PHLPP1: variants seen among roughly 807,000 people sequenced by gnomAD.
PHLPP1 encodes PH domain leucine-rich repeat-containing protein phosphatase 1.
In PHLPP1, 42 loss-of-function variants were observed where a neutral mutation model predicts 117.2. That is an observed-to-expected ratio of 0.36 (90% CI 0.28 to 0.46). The LOEUF is 0.46. Among genes scored for constraint, PHLPP1 ranks in the 20% least tolerant of loss-of-function variants. The pLI is 1.00. For missense variants in PHLPP1, 2,084 were observed against 2,241.9 expected (o/e 0.93, Z 1.42); for synonymous variants, 1,042 against 970.7 (o/e 1.07, Z -1.37).
intron 14 of PHLPP1, among the ~76,000 whole-genome samples, chr18:62,964,521 G>T (rs183060204): frequency 1.3e-5 from 2 of 152,236 alleles, no homozygotes; most frequent in Admixed American, 1.3e-4. Context: ...TTTCCCTAAG[G>T]TGTCATTTGG....
chr18:62,921,506 G>T lies in PHLPP1; in HGVS notation c.2960+1392G>T, dbSNP rs542607215. ...TGTAATACTCATCACACACTGTATTGTAATTTCTTGTTCACTTGTCTCTCT... is the reference window on the plus strand; with the variant it reads ...TGTAATACTCATCACACACTGTATTTTAATTTCTTGTTCACTTGTCTCTCT... On this transcript the variant is annotated intron_variant, in intron 10 of 16. Transcript: ENST00000262719. Among the ~76,000 whole-genome samples the T allele has an allele frequency of 3.9e-5, 6 of 152,238 alleles. No individual in the cohort carries two copies. The South Asian group carries it at 1.2e-3, about 32-fold the overall frequency.
chr18:62,755,488 T>TG (rs974716936), intron 1 of PHLPP1, among the ~76,000 whole-genome samples: 1 of 152,140 alleles, frequency 6.6e-6, no homozygotes, highest in Non-Finnish European at 1.5e-5. Context: ...GGGACCTTTT[T>TG]GGGGGTGATT....
At chr18:62,757,213 G>A (rs915857860) in intron 1 of PHLPP1, among the ~76,000 whole-genome samples, 3 of 152,150 alleles carry the variant, frequency 2.0e-5, no homozygotes, top group South Asian at 2.1e-4. Flanking sequence ...TTTATAGAAC[G>A]ACTACTGAAA....
chr18:62,807,752 T>C (rs572561086), intron 1 of PHLPP1, among the ~76,000 whole-genome samples: 3 of 152,216 alleles, frequency 2.0e-5, no homozygotes, highest in East Asian at 1.9e-4. Flanking sequence ...CTTCTAAATA[T>C]AGAAAAAAAT....
chr18:62,892,816 C>T (rs1296387601), intron 4 of PHLPP1, among the ~76,000 whole-genome samples: 1 of 147,828 alleles, frequency 6.8e-6, no homozygotes, highest in African/African-American at 2.5e-5. Context: ...GCGGAGCTTG[C>T]AGTGAGCCGA....
At chr18:62,790,229 C>T (rs1009767688) in intron 1 of PHLPP1, among the ~76,000 whole-genome samples, 16 of 152,008 alleles carry the variant, frequency 1.1e-4, no homozygotes, top group South Asian at 4.1e-4. Context: ...AGGAGGCTAG[C>T]GAAAAAAGAC....
At chr18:62,889,915 T>C (rs1483514322) in intron 4 of PHLPP1, among the ~76,000 whole-genome samples, 1 of 152,230 alleles carries the variant, frequency 6.6e-6, no homozygotes, top group East Asian at 1.9e-4. Flanking sequence ...CTATATTTTG[T>C]ATTTCAAGAA....
chr18:62,772,848 A>T (rs893301300), intron 1 of PHLPP1, among the ~76,000 whole-genome samples: 1 of 151,552 alleles, frequency 6.6e-6, no homozygotes, highest in Non-Finnish European at 1.5e-5. Context: ...AAAAAAAAAA[A>T]AGATTTTCTC....
chr18:62,887,185 A>G (rs1916306707), intron 4 of PHLPP1, among the ~76,000 whole-genome samples: 1 of 152,214 alleles, frequency 6.6e-6, no homozygotes, highest in Non-Finnish European at 1.5e-5. Flanking sequence ...ATAAGGTTTA[A>G]TAAAAGAGGA....
intron 12 of PHLPP1, among the ~76,000 whole-genome samples, chr18:62,954,765 A>T (rs915564500): frequency 6.6e-6 from 1 of 152,252 alleles, no homozygotes; most frequent in Admixed American, 6.5e-5. Context: ...TTAAAATGCT[A>T]TCTATTCTAT....
intron 10 of PHLPP1, among the ~76,000 whole-genome samples, chr18:62,940,039 AC>A (rs1375975755): frequency 6.6e-6 from 1 of 151,728 alleles, no homozygotes; most frequent in African/African-American, 2.4e-5. Context: ...GGGAGATTTC[AC>A]CCTTCTAACT....
At chr18:62,972,338 T>G (rs1300740218) in intron 14 of PHLPP1, among the ~76,000 whole-genome samples, 176 bp from the exon 15 acceptor site, 1 of 152,238 alleles carries the variant, frequency 6.6e-6, no homozygotes, top group Non-Finnish European at 1.5e-5. Context: ...CATCCTTCTC[T>G]GCTTATCAAA....
At chr18:62,917,162 A>G (rs1258288197) in intron 9 of PHLPP1, among the ~76,000 whole-genome samples, 5 of 148,290 alleles carry the variant, frequency 3.4e-5, no homozygotes. Context: ...TATATTTTAT[A>G]TATTTTTTAT....
At chr18:62,790,929 G>A (rs1258072062) in intron 1 of PHLPP1, among the ~76,000 whole-genome samples, 3 of 152,164 alleles carry the variant, frequency 2.0e-5, no homozygotes, top group Non-Finnish European at 4.4e-5. Context: ...TGCAGCTCAT[G>A]AGTCTGGGAG....
intron 4 of PHLPP1, among the ~76,000 whole-genome samples, chr18:62,884,394 T>A (rs1214229929): frequency 6.6e-6 from 1 of 152,228 alleles, no homozygotes; most frequent in Non-Finnish European, 1.5e-5. Flanking sequence ...GGACTCACTT[T>A]GTTAAAATGA....
At position 62,958,886 on chromosome 18, in the gene PHLPP1, G is replaced by A. The variant is rs114946587; in HGVS notation, c.3455+127G>A. ...GTTAGCTGTGTTAACACACACAACA[G>A]GATATACAAGATGCAGGGAAGCAAT... On this transcript the variant is annotated intron_variant, in intron 13 of 16. Coordinates refer to ENST00000262719, the MANE Select transcript of PHLPP1 (RefSeq NM_194449.4). 4.6e-3 allele frequency: 4,676 copies of A among 1,015,890 alleles called. 148 individuals are homozygous for A. In the African/African-American group the frequency reaches 0.065, roughly 14 times the overall value. The allele number at this position is 1,015,890 out of a possible 1,614,324, so 62.9% of individuals were successfully genotyped here.
At chr18:62,847,890 C>T (rs143178979) in intron 3 of PHLPP1, among the ~76,000 whole-genome samples, 2 of 152,238 alleles carry the variant, frequency 1.3e-5, no homozygotes, top group South Asian at 2.1e-4. Context: ...CTCATTGACC[C>T]GAATTTTTCT....
At chr18:62,912,598 A>G (rs939631375) in intron 8 of PHLPP1, among the ~76,000 whole-genome samples, 2 of 152,018 alleles carry the variant, frequency 1.3e-5, no homozygotes, top group African/African-American at 4.8e-5. Context: ...ATGGATGCAT[A>G]TAAATATCTT....
At position 62,927,311 on chromosome 18, in the gene PHLPP1, A is replaced by G. The variant is rs372314679; in HGVS notation, c.2960+7197A>G. Among the ~76,000 whole-genome samples the G allele has an allele frequency of 2.2e-4, 34 of 152,310 alleles. 2 individuals are homozygous for G. In the East Asian group the frequency reaches 3.1e-3, roughly 14 times the overall value. On this transcript the variant is annotated intron_variant, in intron 10 of 16. Transcript: ENST00000262719. ...CCTGAAAATGACTGGGAAAAAGATG[A>G]ACAGATCCATATTGGGTTATTGGCT...
Sources: gnomAD v4.1 joint callset for allele counts (sites outside exome capture counted in the v4.1 genomes callset) on GRCh38, gnomAD v4.1.1 for gene constraint, MANE v1.5 for transcripts, NCBI Gene and HGNC (gene_info 2026-07-23, HGNC 2026-07-21) for gene names.